The following KIF13A variants were observed in gnomAD, a reference collection of about 807,000 sequenced individuals.
KIF13A encodes kinesin family member 13A.
KIF13A carries 79 observed loss-of-function variants against 212.2 expected under a neutral mutation model. The ratio of observed to expected loss-of-function variants is 0.37; its 90% CI spans 0.31 to 0.45. KIF13A has a LOEUF of 0.45. Among genes scored for constraint, KIF13A ranks in the 20% least tolerant of loss-of-function variants. KIF13A has a pLI of 1.00. For synonymous variants in KIF13A, 789 were observed against 808.6 expected (o/e 0.98, Z 0.41); for missense variants, 1,901 against 2,209.0 (o/e 0.86, Z 2.79).
intron 23 of KIF13A, among the ~76,000 whole-genome samples, chr6:17,795,716 G>C (rs1023742344): frequency 2.0e-5 from 3 of 152,056 alleles, no homozygotes; most frequent in Non-Finnish European, 2.9e-5. Flanking sequence ...TGATCAACTT[G>C]ATAAGAAACT....
intron 2 of KIF13A, among the ~76,000 whole-genome samples, chr6:17,930,742 A>AC (rs1775916452): frequency 6.6e-6 from 1 of 152,176 alleles, no homozygotes; most frequent in Non-Finnish European, 1.5e-5. Context: ...CACTACCACT[A>AC]CCCTGGAGTT....
In KIF13A at chr6:17,837,797, C is replaced by CA. The variant is rs1448057919; in HGVS notation, c.831-215dup. On this transcript the variant is annotated intron_variant, in intron 9 of 38. Transcript: ENST00000259711. The surrounding 1 kb of genome is among the most constrained non-coding windows in gnomAD (Gnocchi z 5.4). ...TGAAACTCTGTCTCTACTAAAAATA[C>CA]AAAAAATTAGCTGGGCGTGGTGGCA... is the stretch of plus-strand genomic sequence containing the variant. Among the ~76,000 whole-genome samples, 2 of 151,650 alleles carry CA rather than the reference C, an allele frequency of 1.3e-5. No homozygotes were observed. The highest frequency in any genetic ancestry group is 1.9e-4 in the East Asian group (1 of 5,138).
intron 4 of KIF13A, among the ~76,000 whole-genome samples, chr6:17,865,486 T>C (rs1769271287): frequency 6.6e-6 from 1 of 152,196 alleles, no homozygotes; most frequent in Admixed American, 6.5e-5. Flanking sequence ...TCAGAGCACC[T>C]GGACAGCGCA....
intron 20 of KIF13A, among the ~76,000 whole-genome samples, chr6:17,803,477 T>C (rs77319844): frequency 0.025 from 3,868 of 152,272 alleles, 74 homozygotes; most frequent in Non-Finnish European, 0.04. Flanking sequence ...TGGCATCTTA[T>C]TCTTCACCTG....
chr6:17,837,612 T>A lies in KIF13A; in HGVS notation c.831-29A>T. On this transcript the variant is annotated intron_variant, in intron 9 of 38. Coordinates refer to ENST00000259711, the MANE Select transcript of KIF13A (RefSeq NM_022113.6). This position sits in a 1 kb window ranked among gnomAD's most constrained non-coding sequence, Gnocchi z 5.4. ...TCAAGAAAAAATGAAAAATTAGTTT[T>A]ATGGAATGTTTATTTGGTTTAAGTA... is the stretch of plus-strand genomic sequence containing the variant. 1 of 1,390,404 alleles carries A rather than the reference T, an allele frequency of 7.2e-7. No individual in the cohort carries two copies. The highest frequency in any genetic ancestry group is 1.0e-6 in the Non-Finnish European group (1 of 996,844). The allele number at this position is 1,390,404 out of a possible 1,614,324, so 86.1% of individuals were successfully genotyped here.
At position 17,763,925 on chromosome 6, in the gene KIF13A, T is replaced by G; in HGVS notation, c.*185A>C. The G allele has an allele frequency of 7.0e-7, 1 of 1,429,990 alleles. No homozygotes were observed. Among genetic ancestry groups the G allele is most frequent in the Non-Finnish European group, 9.1e-7 (1 of 1,096,876 alleles). 88.6% of individuals were successfully genotyped at this position (1,429,990 alleles called of 1,614,324 possible). A position where few individuals can be genotyped will look rare whatever the true frequency, so the allele number is the denominator to read the frequency against. ...TGTGCCAGGTAAAAAAATCCACTGG[T>G]CTTATAATTTCACAATTGCGTTCTA... On this transcript the variant is annotated 3_prime_UTR_variant, in exon 39 of 39. Transcript: ENST00000259711.
At position 17,915,424 on chromosome 6, in the gene KIF13A, C is replaced by T. The variant is rs1045794396; in HGVS notation, c.147-17244G>A. On this transcript the variant is annotated intron_variant, in intron 2 of 38. Coordinates refer to ENST00000259711, the MANE Select transcript of KIF13A (RefSeq NM_022113.6). The surrounding 1 kb of genome is among the most constrained non-coding windows in gnomAD (Gnocchi z 4.4). ...TTTAAAAGCAGCAGAGTAACACACG[C>T]GATGCAAGGCCCCTCATTTTCAGCC... is the stretch of plus-strand genomic sequence containing the variant. Among the ~76,000 whole-genome samples, 3 of 152,148 alleles carry T rather than the reference C, an allele frequency of 2.0e-5. No homozygotes were observed. Among genetic ancestry groups the T allele is most frequent in the Non-Finnish European group, 2.9e-5 (2 of 68,030 alleles).
At chr6:17,779,257 A>ATATT (rs1561961153) in intron 32 of KIF13A, among the ~76,000 whole-genome samples, 158 bp from the exon 33 acceptor site, 1 of 37,848 alleles carries the variant, frequency 2.6e-5, no homozygotes, top group Non-Finnish European at 4.7e-5. Context: ...ATATATATAT[A>ATATT]TTTTTTTTTT....
chr6:17,881,927 C>A (rs1398334025), intron 3 of KIF13A: 3 of 438,120 alleles, frequency 6.8e-6, no homozygotes, highest in African/African-American at 6.1e-5. Context: ...ACCCGGGAGA[C>A]TGAGGTTGCA....
Position 17,776,530 on chromosome 6 carries a change from A to G in KIF13A, c.4170+747T>C, listed in dbSNP as rs1263521254. 6.6e-6 allele frequency among the ~76,000 whole-genome samples: 1 copy of G among 152,212 alleles called. No homozygotes were observed. The highest frequency in any genetic ancestry group is 1.5e-5 in the Non-Finnish European group (1 of 68,032). ...CTAATAAATGCATTGTGGTCAGAAGAAGTAATCTGTGTGATAATAATTACT... is the reference window on the plus strand; with the variant it reads ...CTAATAAATGCATTGTGGTCAGAAGGAGTAATCTGTGTGATAATAATTACT... On this transcript the variant is annotated intron_variant, in intron 34 of 38. Transcript: ENST00000259711. This position sits in a 1 kb window ranked among gnomAD's most constrained non-coding sequence, Gnocchi z 4.6.
intron 2 of KIF13A, among the ~76,000 whole-genome samples, chr6:17,904,788 T>C (rs1234109322): frequency 6.6e-6 from 1 of 152,244 alleles, no homozygotes; most frequent in Non-Finnish European, 1.5e-5. Flanking sequence ...TACAATGCCC[T>C]ACGACGTGTG....
chr6:17,976,971 G>A (rs555330476), intron 2 of KIF13A, among the ~76,000 whole-genome samples: 3 of 151,882 alleles, frequency 2.0e-5, no homozygotes, highest in South Asian at 4.2e-4. Flanking sequence ...GTGTGGTGGC[G>A]GGCGCCTGTA....
intron 2 of KIF13A, among the ~76,000 whole-genome samples, chr6:17,973,689 A>G (rs570369377): frequency 6.6e-6 from 1 of 152,302 alleles, no homozygotes; most frequent in South Asian, 2.1e-4. Context: ...CCTAGCTGCA[A>G]AAGGATCAAC....
At chr6:17,937,748 T>TG (rs1431453402) in intron 2 of KIF13A, among the ~76,000 whole-genome samples, 2 of 122,556 alleles carry the variant, frequency 1.6e-5, no homozygotes, top group Non-Finnish European at 3.4e-5. Context: ...CCTTTTTTGT[T>TG]TTTTTTTTTT....
intron 2 of KIF13A, among the ~76,000 whole-genome samples, chr6:17,941,845 T>G (rs1394471031): frequency 1.3e-5 from 2 of 151,848 alleles, no homozygotes; most frequent in African/African-American, 4.8e-5. Context: ...AGTTCTGAAC[T>G]TTCCTTCAGA....
intron 16 of KIF13A, 45 bp from the exon 17 acceptor site, chr6:17,817,278 A>G: frequency 6.4e-7 from 1 of 1,558,376 alleles, no homozygotes; most frequent in Non-Finnish European, 8.8e-7. Context: ...TGGCGGCTAA[A>G]ACAAGCATTC....
At chr6:17,790,897 AGG>A (rs1761476887) in intron 25 of KIF13A, among the ~76,000 whole-genome samples, 1 of 152,222 alleles carries the variant, frequency 6.6e-6, no homozygotes, top group Non-Finnish European at 1.5e-5. Flanking sequence ...TCCCAAACAC[AGG>A]GCAACATTGT....
intron 2 of KIF13A, among the ~76,000 whole-genome samples, chr6:17,909,518 G>C (rs534259410): frequency 1.4e-5 from 2 of 145,354 alleles, no homozygotes; most frequent in South Asian, 2.2e-4. Flanking sequence ...CTGGGCAACA[G>C]AGTGAGACTC....
chr6:17,987,253 G>C lies in KIF13A; in HGVS notation c.56-109C>G. Reference sequence around the variant, plus strand: ...TCCGTCCCTGGAGGCGGCCGAGCCTGGAGACGGCGCCCCGGGCACCACGGC... The same window carrying C: ...TCCGTCCCTGGAGGCGGCCGAGCCTCGAGACGGCGCCCCGGGCACCACGGC... On this transcript the variant is annotated intron_variant, in intron 1 of 38. Transcript: ENST00000259711. The surrounding 1 kb of genome is among the most constrained non-coding windows in gnomAD (Gnocchi z 7.7). The C allele has an allele frequency of 1.1e-6, 1 of 937,682 alleles. No individual in the cohort carries two copies. The highest frequency in any genetic ancestry group is 1.4e-6 in the Non-Finnish European group (1 of 711,908). The allele number at this position is 937,682 out of a possible 1,614,324, so 58.1% of individuals were successfully genotyped here.
Sources: gnomAD v4.1 joint callset for allele counts (sites outside exome capture counted in the v4.1 genomes callset) on GRCh38, gnomAD v4.1.1 for gene constraint, Gnocchi (gnomAD v3.1) non-coding constraint, MANE v1.5 for transcripts, NCBI Gene and HGNC (gene_info 2026-07-23, HGNC 2026-07-21) for gene names.